Variants in KLHDC4 observed in about 807,000 individuals in gnomAD.
The protein encoded by KLHDC4 is kelch domain-containing protein 4.
A neutral mutation model predicts 62.4 loss-of-function variants in KLHDC4; 90 were observed. The ratio of observed to expected loss-of-function variants is 1.44; its 90% CI spans 1.22 to 1.72. The LOEUF (loss-of-function observed/expected upper bound fraction) is 1.72. Ranked by LOEUF, KLHDC4 falls within the 40% of genes most tolerant of loss-of-function variation. The pLI is 0.00. For missense variants in KLHDC4, 1,025 were observed against 699.7 expected (o/e 1.47, Z -5.25); for synonymous variants, 386 against 284.4 (o/e 1.36, Z -3.59).
At chr16:87,722,609 C>T (rs761743551) in intron 7 of KLHDC4, among the ~76,000 whole-genome samples, 5 of 152,218 alleles carry the variant, frequency 3.3e-5, no homozygotes, top group Non-Finnish European at 5.9e-5. Context: ...CTTCTCCGGG[C>T]TGAGAGACAA....
At chr16:87,741,237 C>T (rs1032289066) in intron 5 of KLHDC4, among the ~76,000 whole-genome samples, 3 of 152,222 alleles carry the variant, frequency 2.0e-5, no homozygotes, top group African/African-American at 7.2e-5. Context: ...CGCCAGCCAA[C>T]CAACCAACAC....
chr16:87,765,110 G>A (rs2046441364), intron 1 of KLHDC4: 1 of 455,888 alleles, frequency 2.2e-6, no homozygotes, highest in Admixed American at 2.3e-5. Context: ...CTGGCGCACG[G>A]CAGGCCATAA....
chr16:87,739,167 CCACACACCAGCATCTCAT>C (rs2041853444), intron 5 of KLHDC4, among the ~76,000 whole-genome samples: 1 of 131,268 alleles, frequency 7.6e-6, no homozygotes, highest in African/African-American at 3.1e-5. Context: ...CCTCATCCAT[CCACACACCAGCATCTCAT>C]CCACACACCA....
chr16:87,708,253 A>G, intron 11 of KLHDC4, 97 bp downstream of exon 11: 2 of 882,252 alleles, frequency 2.3e-6, no homozygotes. Context: ...TTTTTAAAAA[A>G]TTTACAAAGC....
At chr16:87,729,846 T>C (rs1157913565) in intron 6 of KLHDC4, among the ~76,000 whole-genome samples, 1 of 152,230 alleles carries the variant, frequency 6.6e-6, no homozygotes, top group African/African-American at 2.4e-5. Context: ...AAAATGCAGA[T>C]TCCTGGGCCT....
In KLHDC4 at chr16:87,709,522, G is replaced by A. The variant is rs758716971; in HGVS notation, c.1190C>T (p.Thr397Ile). The change falls in exon 10 of 12, where the codon ACC becomes ATC. Residue 397 changes from threonine (T) to isoleucine (I), a missense_variant. Coordinates refer to ENST00000270583, the MANE Select transcript of KLHDC4 (RefSeq NM_017566.4). Reference protein sequence around the residue: ...EVVAEDGTVVTIKQVLTAPGS... With the variant: ...EVVAEDGTVVIIKQVLTAPGS... ...TGGCGCGGTGAGCACCTGCTTAATG[G>A]TGACCACGGTGCCATCCTCGGCCAC... 3 of 1,612,160 alleles carry A rather than the reference G, an allele frequency of 1.9e-6. No homozygotes were observed. Among genetic ancestry groups the A allele is most frequent in the African/African-American group, 2.7e-5 (2 of 74,918 alleles).
chr16:87,746,980 T>C (rs2043133277), intron 5 of KLHDC4, among the ~76,000 whole-genome samples: 1 of 152,180 alleles, frequency 6.6e-6, no homozygotes, highest in Admixed American at 6.5e-5. Flanking sequence ...CAGCTGGAGC[T>C]GCACACGAGG....
downstream of KLHDC4, chr16:87,702,980 T>G (rs1021879510): frequency 6.6e-6 from 1 of 152,302 alleles, no homozygotes; most frequent in African/African-American, 2.4e-5. Flanking sequence ...GTTTAAATCA[T>G]ACTGTTACGA....
At chr16:87,762,210 A>C (rs2045990831) in intron 1 of KLHDC4, 170 bp from the exon 2 acceptor site, 1 of 1,387,194 alleles carries the variant, frequency 7.2e-7, no homozygotes, top group South Asian at 1.5e-5. Context: ...TTCGAAAGTA[A>C]CCAGAGCTTG....
chr16:87,757,701 C>T (rs1467888467), intron 2 of KLHDC4, among the ~76,000 whole-genome samples: 3 of 151,750 alleles, frequency 2.0e-5, no homozygotes, highest in African/African-American at 7.3e-5. Flanking sequence ...ACCAGCCTGG[C>T]AAACACGGTG....
At chr16:87,711,019 C>G (rs974372648) in intron 9 of KLHDC4, 2 of 552,984 alleles carry the variant, frequency 3.6e-6, no homozygotes, top group Non-Finnish European at 6.4e-6. Flanking sequence ...GAGGTAGCAG[C>G]CCCGCCAGCA....
chr16:87,711,494 A>C, intron 8 of KLHDC4, 51 bp from the exon 9 acceptor site: 1 of 1,519,456 alleles, frequency 6.6e-7, no homozygotes, highest in East Asian at 2.3e-5. Context: ...AAGGACCCTG[A>C]GAGCCAGCCC....
rs201946616 is a variant in KLHDC4, at chr16:87,731,457, TG to T, written c.507-814del. Among the ~76,000 whole-genome samples, 151 of 147,424 alleles carry T rather than the reference TG, an allele frequency of 1.0e-3. 1 individual carries two copies. The East Asian group carries it at 0.026, about 26-fold the overall frequency. Reference sequence around the variant, plus strand: ...TCAGAAAGTTCGTAAGATAGAAAAATGGGGGGAAAAAAGATGGAAAAAGGCC... The same window carrying T: ...TCAGAAAGTTCGTAAGATAGAAAAATGGGGGAAAAAAGATGGAAAAAGGCC... On this transcript the variant is annotated intron_variant, in intron 5 of 11. Transcript: ENST00000270583.
At chr16:87,708,285 T>C (rs939936639) in intron 11 of KLHDC4, 65 bp downstream of exon 11, 26 of 1,102,580 alleles carry the variant, frequency 2.4e-5, no homozygotes, top group Non-Finnish European at 3.4e-5. Flanking sequence ...AAGCATCCGA[T>C]AAACATGAAA....
intron 7 of KLHDC4, among the ~76,000 whole-genome samples, chr16:87,722,644 A>C (rs1238241575): frequency 6.6e-6 from 1 of 152,134 alleles, no homozygotes; most frequent in East Asian, 1.9e-4. Context: ...ACCAGCAGGG[A>C]GGATGGTGAG....
upstream of KLHDC4, chr16:87,702,638 G>GA (rs1424596947): frequency 1.3e-5 from 3 of 231,854 alleles, no homozygotes; most frequent in East Asian, 9.8e-5. Flanking sequence ...GCCCGGCGGA[G>GA]AAAAAAACCA....
At chr16:87,704,504 G>A (rs111819531), downstream of KLHDC4, among the ~76,000 whole-genome samples, 3 of 115,612 alleles carry the variant, frequency 2.6e-5, no homozygotes, top group Admixed American at 8.8e-5. Context: ...TGAACGTCAC[G>A]GGGAAGGAGG....
intron 5 of KLHDC4, among the ~76,000 whole-genome samples, chr16:87,745,891 G>T (rs2042968017): frequency 6.6e-6 from 1 of 152,176 alleles, no homozygotes; most frequent in Admixed American, 6.5e-5. Flanking sequence ...ACTGAATAAG[G>T]CTCAACATTA....
chr16:87,759,128 T>A (rs1488022844), intron 2 of KLHDC4, among the ~76,000 whole-genome samples: 1 of 152,096 alleles, frequency 6.6e-6, no homozygotes, highest in South Asian at 2.1e-4. Flanking sequence ...GCCGATATCA[T>A]ACCATTGCAC....
Sources: allele counts gnomAD v4.1 joint callset (sites outside exome capture counted in the v4.1 genomes callset), GRCh38; gene constraint gnomAD v4.1.1; transcripts MANE v1.5; gene names NCBI Gene and HGNC (gene_info 2026-07-23, HGNC 2026-07-21).